SSPN: variants seen among roughly 807,000 people sequenced by gnomAD.
SSPN encodes the protein K-ras oncogene-associated protein.
Under a neutral mutation model 19.1 loss-of-function variants are expected in SSPN, and 15 were observed. The ratio of observed to expected loss-of-function variants is 0.78; its 90% confidence interval spans 0.52 to 1.21. SSPN has a LOEUF of 1.21. Ranked by LOEUF, SSPN falls within the 50% of genes most tolerant of loss-of-function variation. The probability of loss-of-function intolerance (pLI) is 0.00; values close to 1 mark genes in which losing one functional copy is unlikely to be tolerated. For synonymous variants in SSPN, 147 were observed against 140.3 expected, an observed-to-expected ratio of 1.05 and a Z score of -0.34; for missense variants, 291 against 314.0, an observed-to-expected ratio of 0.93 and a Z score of 0.55.
chr12:26,207,089 A>G (rs1466731587), intron 1 of SSPN, among the ~76,000 whole-genome samples: 1 of 152,250 alleles, frequency 6.6e-6, no homozygotes, highest in Admixed American at 6.5e-5. Context: ...GGGTAAGATC[A>G]GAAAAAGAAA....
intron 1 of SSPN, chr12:26,122,502 G>T (rs1224426736): frequency 7.6e-7 from 1 of 1,314,464 alleles, no homozygotes; most frequent in South Asian, 1.8e-5. Flanking sequence ...CGCGGGCTGC[G>T]GGAAGGGCGC....
At chr12:26,213,436 G>T (rs1159236131) in intron 1 of SSPN, among the ~76,000 whole-genome samples, 1 of 152,122 alleles carries the variant, frequency 6.6e-6, no homozygotes, top group Non-Finnish European at 1.5e-5. Flanking sequence ...CAGCTAGAAA[G>T]TGGTGGAGGT....
intron 1 of SSPN, among the ~76,000 whole-genome samples, chr12:26,165,215 T>C (rs931825263): frequency 6.6e-6 from 1 of 152,220 alleles, no homozygotes; most frequent in Non-Finnish European, 1.5e-5. Flanking sequence ...GCAGATGATA[T>C]GAGCCACATG....
intron 1 of SSPN, among the ~76,000 whole-genome samples, chr12:26,128,408 C>CAAA: frequency 6.6e-6 from 1 of 152,248 alleles, no homozygotes; most frequent in African/African-American, 2.4e-5. Context: ...GATTTAAATC[C>CAAA]AAATATCCTA....
intron 1 of SSPN, among the ~76,000 whole-genome samples, chr12:26,141,756 T>C (rs1944461636): frequency 2.6e-5 from 4 of 152,232 alleles, no homozygotes; most frequent in South Asian, 2.1e-4. Flanking sequence ...GTCAGGTACC[T>C]AGTATATCAT....
intron 1 of SSPN, among the ~76,000 whole-genome samples, chr12:26,140,949 G>A (rs532221756): frequency 2.0e-5 from 3 of 152,218 alleles, no homozygotes; most frequent in African/African-American, 4.8e-5. Context: ...AGCAGCTCCT[G>A]CCACTTTTTT....
At position 26,195,644 on chromosome 12, in the gene SSPN, C is replaced by CA; in HGVS notation, c.-29_-28insA. The stretch of plus-strand genomic sequence containing the variant: ...CAGGGCCCAGGGCGCCGCACACGCA[C>CA]CCACCCACCCACCCAGCCTCGCAGC... On this transcript the variant is annotated 5_prime_UTR_variant, in exon 1 of 3. Transcript: ENST00000242729. 2.3e-4 allele frequency: 31 copies of CA among 133,492 alleles called. No homozygotes were observed. In the South Asian group the frequency reaches 2.4e-3, roughly 11 times the overall value. The allele number at this position is 133,492 out of a possible 1,614,324, so 8.3% of individuals were successfully genotyped here.
At chr12:26,228,948 C>G (rs1303637846) in intron 2 of SSPN, among the ~76,000 whole-genome samples, 1 of 152,090 alleles carries the variant, frequency 6.6e-6, no homozygotes, top group Non-Finnish European at 1.5e-5. Flanking sequence ...GAGTTTGAGA[C>G]CAGCCTGGGC....
chr12:26,176,868 C>T (rs1044988496), intron 1 of SSPN, among the ~76,000 whole-genome samples: 6 of 152,298 alleles, frequency 3.9e-5, no homozygotes, highest in African/African-American at 1.4e-4. Context: ...TACCTGCCTC[C>T]GTTCTCTTCC....
At chr12:26,214,242 A>C (rs1468699976) in intron 1 of SSPN, among the ~76,000 whole-genome samples, 6 of 152,114 alleles carry the variant, frequency 3.9e-5, no homozygotes, top group Non-Finnish European at 8.8e-5. Context: ...TTGGACCTCA[A>C]AGACTTTCTT....
intron 1 of SSPN, chr12:26,211,250 C>T (rs1055990354): frequency 1.3e-5 from 2 of 152,124 alleles, no homozygotes; most frequent in African/African-American, 4.8e-5. Context: ...CCAGCAGTTC[C>T]TATCAAATAT....
chr12:26,201,944 A>G (rs1009874802), intron 1 of SSPN, among the ~76,000 whole-genome samples: 1 of 152,148 alleles, frequency 6.6e-6, no homozygotes, highest in African/African-American at 2.4e-5. Flanking sequence ...TTTTTAAGCT[A>G]TATTCAGTCA....
intron 1 of SSPN, among the ~76,000 whole-genome samples, chr12:26,137,438 G>T (rs1368943385): frequency 1.3e-5 from 2 of 151,836 alleles, no homozygotes; most frequent in Non-Finnish European, 2.9e-5. Context: ...TAAGCTTTAC[G>T]AATACCTGTT....
intron 1 of SSPN, chr12:26,124,661 A>G (rs369251281): frequency 6.2e-6 from 10 of 1,613,020 alleles, no homozygotes; most frequent in East Asian, 2.2e-5. Context: ...CTTTCTGGAG[A>G]AGAAAAAAAT....
chr12:26,198,227 G>A (rs552605447), intron 1 of SSPN, among the ~76,000 whole-genome samples: 2 of 152,018 alleles, frequency 1.3e-5, no homozygotes, highest in Non-Finnish European at 2.9e-5. Context: ...GCAGTGGCAC[G>A]ATTTTGGTTC....
chr12:26,134,632 T>C (rs1431110977), intron 1 of SSPN, among the ~76,000 whole-genome samples: 2 of 152,256 alleles, frequency 1.3e-5, no homozygotes, highest in African/African-American at 4.8e-5. Flanking sequence ...AACACTTGAA[T>C]GACAAGTCAT....
intron 1 of SSPN, among the ~76,000 whole-genome samples, chr12:26,167,257 G>T (rs1199014568): frequency 2.6e-5 from 4 of 152,148 alleles, no homozygotes; most frequent in African/African-American, 9.7e-5. Flanking sequence ...TTGCTTAAAA[G>T]TCATATATTT....
At chr12:26,193,723 G>C (rs1944803090), upstream of SSPN, among the ~76,000 whole-genome samples, 1 of 152,266 alleles carries the variant, frequency 6.6e-6, no homozygotes, top group Non-Finnish European at 1.5e-5. Flanking sequence ...CAGCCACTCT[G>C]TTTTTCTGGT....
At chr12:26,154,418 G>C (rs1944544294) in intron 1 of SSPN, among the ~76,000 whole-genome samples, 1 of 152,138 alleles carries the variant, frequency 6.6e-6, no homozygotes, top group South Asian at 2.1e-4. Flanking sequence ...ATTAGAGTAT[G>C]ACACCTGAAA....
Sources: allele counts gnomAD v4.1 joint callset (sites outside exome capture counted in the v4.1 genomes callset), GRCh38; gene constraint gnomAD v4.1.1; transcripts MANE v1.5; gene names NCBI Gene and HGNC (gene_info 2026-07-23, HGNC 2026-07-21).